PSMD6: variants seen among roughly 807,000 people sequenced by gnomAD.
PSMD6 encodes the protein 26S proteasome non-ATPase regulatory subunit 6.
In PSMD6, 7 loss-of-function variants were observed where a neutral mutation model predicts 44.9. That is an observed-to-expected ratio of 0.16 (90% confidence interval 0.09 to 0.29). PSMD6 has a LOEUF of 0.29. Ranked by LOEUF, PSMD6 falls within the 10% of genes least tolerant of loss-of-function variation. The probability of loss-of-function intolerance (pLI) is 1.00; values close to 1 mark genes in which losing one functional copy is unlikely to be tolerated. For synonymous variants in PSMD6, 184 were observed against 172.7 expected, an observed-to-expected ratio of 1.07 and a Z score of -0.51; for missense variants, 420 against 482.6, an observed-to-expected ratio of 0.87 and a Z score of 1.21.
At chr3:64,015,550 T>C (rs1055976816) in intron 5 of PSMD6, 2 of 152,224 alleles carry the variant, frequency 1.3e-5, no homozygotes, top group African/African-American at 2.4e-5. Flanking sequence ...TAGTACACGA[T>C]AGCCACTCAA....
rs772151246 is a variant in PSMD6 at position 64,019,004 on chromosome 3, T to G, written c.531A>C (p.Arg177Ser). The G allele has an allele frequency of 6.2e-7, 1 of 1,611,536 alleles. No individual in the cohort carries two copies. The highest frequency in any genetic ancestry group is 8.5e-7 in the Non-Finnish European group (1 of 1,177,692). ...GACCCTGATACACTTTTAGGCGGTT[T>G]CTCCTGTCCCAGTCTCCTCCTTCTT... Reference protein sequence around the residue: ...LIEEGGDWDRRNRLKVYQGLY... With the variant: ...LIEEGGDWDRSNRLKVYQGLY... Residue 177 changes from arginine to serine, a missense_variant, in exon 4 of 8, where the codon AGA becomes AGC. Around this residue, in one of 4 missense-constraint regions of PSMD6, gnomAD observed 216 missense variants for 227.0 expected, o/e 0.95. Coordinates refer to ENST00000295901, the MANE Select transcript of PSMD6 (RefSeq NM_014814.3).
upstream of PSMD6, chr3:64,023,518 G>A (rs1276520180): frequency 6.3e-6 from 9 of 1,420,466 alleles, no homozygotes; most frequent in South Asian, 1.6e-5. Context: ...GGCCGCCTGC[G>A]GCCCGGCTTC....
At chr3:64,011,055 T>C (rs1019057806) in intron 6 of PSMD6, 100 bp from the exon 7 acceptor site, 9 of 979,926 alleles carry the variant, frequency 9.2e-6, no homozygotes, top group Non-Finnish European at 1.2e-5. Context: ...AACAAACATT[T>C]AGCTTCCCTT....
At chr3:64,017,650 A>C (rs763697212) in intron 5 of PSMD6, 1 of 152,254 alleles carries the variant, frequency 6.6e-6, no homozygotes, top group African/African-American at 2.4e-5. Context: ...ACCTGTTCCT[A>C]CATTACCTGA....
intron 2 of PSMD6, 74 bp from the exon 3 acceptor site, chr3:64,019,515 T>A (rs1205993199): frequency 1.3e-6 from 2 of 1,497,180 alleles, no homozygotes; most frequent in African/African-American, 2.8e-5. Context: ...TGTCTGGGAT[T>A]TTCTTCAAAG....
At chr3:64,013,744 G>GTCA (rs1213782402) in intron 5 of PSMD6, 137 bp from the exon 6 acceptor site, 1 of 737,274 alleles carries the variant, frequency 1.4e-6, no homozygotes, top group Admixed American at 3.6e-5. Context: ...TCCACATCAT[G>GTCA]TCATCAACAA....
At chr3:64,015,576 A>G (rs2076029859) in intron 5 of PSMD6, 1 of 152,244 alleles carries the variant, frequency 6.6e-6, no homozygotes, top group African/African-American at 2.4e-5. Context: ...CTTACTGACT[A>G]AATGACCAAC....
chr3:64,016,168 CAG>C (rs1467180711), intron 5 of PSMD6: 1 of 151,978 alleles, frequency 6.6e-6, no homozygotes, highest in Non-Finnish European at 1.5e-5. Flanking sequence ...GCCTGGGCGA[CAG>C]AGTGAGACTC....
At chr3:64,023,514 C>G (rs867697461), upstream of PSMD6, 14 of 1,427,026 alleles carry the variant, frequency 9.8e-6, no homozygotes, top group African/African-American at 7.4e-5. Flanking sequence ...GCCCGGCCGC[C>G]TGCGGCCCGG....
chr3:64,019,159 A>C, intron 3 of PSMD6, 122 bp from the exon 4 acceptor site: 1 of 1,388,696 alleles, frequency 7.2e-7, no homozygotes, highest in Non-Finnish European at 9.9e-7. Context: ...GAGATATTTA[A>C]ATTATTTTAC....
chr3:64,023,463 G>A lies in PSMD6; in HGVS notation c.-44C>T, dbSNP rs761446541. ...GGCTGACAGGACACAACTTGGTTAC[G>A]ACCGGCTGCGGCAGCGGAAGCGGGA... On this transcript the variant is annotated 5_prime_UTR_variant, in exon 1 of 8. Transcript: ENST00000295901. 92 of 1,519,718 alleles carry A rather than the reference G, an allele frequency of 6.1e-5. 1 individual carries two copies. Among genetic ancestry groups the A allele is most frequent in the Non-Finnish European group, 5.9e-5 (67 of 1,126,298 alleles). The allele number at this position is 1,519,718 out of a possible 1,614,324, so 94.1% of individuals were successfully genotyped here.
intron 1 of PSMD6, 85 bp from the exon 2 acceptor site, chr3:64,022,608 GCCACAAGTCAT>G (rs1559679672): frequency 6.4e-7 from 1 of 1,567,598 alleles, no homozygotes; most frequent in Admixed American, 1.8e-5. Context: ...CCCCCGCCCC[GCCACAAGTCAT>G]CCACCAGTCT....
chr3:64,016,854 ATCT>A (rs1278124747), intron 5 of PSMD6: 1 of 152,218 alleles, frequency 6.6e-6, no homozygotes, highest in Admixed American at 6.5e-5. Context: ...CTGTACACAA[ATCT>A]TCATTATAGC....
chr3:64,017,700 A>G (rs1382498643), intron 5 of PSMD6: 1 of 152,222 alleles, frequency 6.6e-6, no homozygotes, highest in Non-Finnish European at 1.5e-5. Flanking sequence ...CCCAATTTAT[A>G]TGCATGGAGA....
In PSMD6 at chr3:64,018,961, G is replaced by T; in HGVS notation, c.574C>A (p.Arg192Ser). The T allele has an allele frequency of 6.2e-7, 1 of 1,612,214 alleles. No individual in the cohort carries two copies. The highest frequency in any genetic ancestry group is 8.5e-7 in the Non-Finnish European group (1 of 1,178,350). Residue 192 changes from arginine (R) to serine (S), a missense_variant, in exon 4 of 8, where the codon CGT (arginine) becomes AGT (serine). Coordinates refer to ENST00000295901, the MANE Select transcript of PSMD6 (RefSeq NM_014814.3). The part of the protein sequence containing the change: ...VYQGLYCVAI[R>S]DFKQAAELFL... ...AGTTCAGCTGCCTGTTTGAAATCAC[G>T]AATAGCCACACAATAAAGACCCTGA...
chr3:64,016,638 T>C (rs2076048476), intron 5 of PSMD6: 1 of 152,122 alleles, frequency 6.6e-6, no homozygotes, highest in Non-Finnish European at 1.5e-5. Context: ...CAATGAGATA[T>C]CATTTCACAC....
chr3:64,022,961 C>G, intron 1 of PSMD6: 1 of 1,423,856 alleles, frequency 7.0e-7, no homozygotes, highest in Non-Finnish European at 9.3e-7. Flanking sequence ...GGAGCAGTCC[C>G]CACTGACAGA....
At position 64,019,282 on chromosome 3, in the gene PSMD6, C is replaced by T; in HGVS notation, c.497+14G>A. ...ATAATTTAGAGAAAATATAATCCCACCCTTAGAAAGTACCTTTTGGCCTTT... is the reference window on the plus strand; with the variant it reads ...ATAATTTAGAGAAAATATAATCCCATCCTTAGAAAGTACCTTTTGGCCTTT... On this transcript the variant is annotated intron_variant, in intron 3 of 7. Coordinates refer to ENST00000295901, the MANE Select transcript of PSMD6 (RefSeq NM_014814.3). The T allele has an allele frequency of 1.9e-6, 3 of 1,559,894 alleles. No individual in the cohort carries two copies. The highest frequency in any genetic ancestry group is 1.8e-6 in the Non-Finnish European group (2 of 1,131,674).
Position 64,013,592 on chromosome 3 carries a change from T to G in PSMD6, c.842A>C (p.Glu281Ala). ...GGCAAAAAGCCAGTCCTTTTTCATT[T>G]CCTGTTCCACAACCGCTGCAATGAA... is the stretch of plus-strand genomic sequence containing the variant. Reference protein sequence around the residue: ...FFQSLAVVEQEMKKDWLFAPH... With the variant: ...FFQSLAVVEQAMKKDWLFAPH... The change falls in exon 6 of 8, where the codon GAA becomes GCA. Residue 281 changes from glutamate (E) to alanine (A), a missense_variant. Transcript: ENST00000295901. 3.1e-6 allele frequency: 5 copies of G among 1,607,632 alleles called. No individual in the cohort carries two copies. Among genetic ancestry groups the G allele is most frequent in the Non-Finnish European group, 4.2e-6 (5 of 1,178,038 alleles).
Sources: gnomAD v4.1 joint callset for allele counts on GRCh38, gnomAD v4.1.1 for gene constraint, gnomAD v4.1.1 regional missense constraint, MANE v1.5 for transcripts, NCBI Gene and HGNC (gene_info 2026-07-23, HGNC 2026-07-21) for gene names.